ZNF510: variants seen among roughly 807,000 people sequenced by gnomAD.
The protein encoded by ZNF510 is zinc finger protein 510.
A neutral mutation model predicts 18.1 loss-of-function variants in ZNF510; 15 were observed. The ratio of observed to expected loss-of-function variants is 0.83; its 90% confidence interval spans 0.55 to 1.28. The LOEUF (loss-of-function observed/expected upper bound fraction) is 1.28. Ranked by LOEUF, ZNF510 falls within the 50% of genes most tolerant of loss-of-function variation. ZNF510 has a pLI of 0.00. For synonymous variants in ZNF510, 261 were observed against 266.4 expected (o/e 0.98, Z 0.20); for missense variants, 724 against 791.8 (o/e 0.91, Z 1.03).
At chr9:96,762,947 T>C in intron 5 of ZNF510, 171 bp downstream of exon 5, 1 of 553,510 alleles carries the variant, frequency 1.8e-6, no homozygotes, top group Non-Finnish European at 3.3e-6. Flanking sequence ...TATTAACAAA[T>C]TTCTTACTTT....
rs145693717 is a variant in ZNF510, at chr9:96,758,958, C to T, written c.1872G>A (p.Gly624=). 8.5e-5 allele frequency: 137 copies of T among 1,613,790 alleles called. No homozygotes were observed. Among genetic ancestry groups the T allele is most frequent in the Non-Finnish European group, 9.3e-6 (11 of 1,179,958 alleles). Reference sequence around the variant, plus strand: ...ATTTATTACACTGAAAGGGTTTCTCCCCTGTGTGAATTCTCTGATGATCAC... The same window carrying T: ...ATTTATTACACTGAAAGGGTTTCTCTCCTGTGTGAATTCTCTGATGATCAC... ...ILSDHQRIHT[G]EKPFQCNKCG... is the part of the protein sequence containing the mutation. The change falls in exon 6 of 6, where the codon GGG becomes GGA. Residue 624 remains glycine, a synonymous_variant. Coordinates refer to ENST00000223428, the MANE Select transcript of ZNF510 (RefSeq NM_014930.3).
intron 2 of ZNF510, 85 bp downstream of exon 2, chr9:96,775,915 T>C (rs569956822): frequency 6.6e-7 from 1 of 1,523,692 alleles, no homozygotes; most frequent in South Asian, 1.3e-5. Context: ...ATGCCTTCCT[T>C]GGAGACCATG....
intron 3 of ZNF510, among the ~76,000 whole-genome samples, chr9:96,767,756 C>T (rs1849506451): frequency 6.6e-6 from 1 of 152,016 alleles, no homozygotes; most frequent in African/African-American, 2.4e-5. Context: ...GGCTCAAGAC[C>T]AACTGTCAGT....
At chr9:96,776,886 G>A (rs1419360609) in intron 1 of ZNF510, among the ~76,000 whole-genome samples, 2 of 152,098 alleles carry the variant, frequency 1.3e-5, no homozygotes, top group African/African-American at 4.8e-5. Flanking sequence ...TGATTCTCTT[G>A]GCATTAATTA....
chr9:96,768,978 A>C (rs1185565120), intron 3 of ZNF510, among the ~76,000 whole-genome samples: 1 of 152,218 alleles, frequency 6.6e-6, no homozygotes, highest in Non-Finnish European at 1.5e-5. Flanking sequence ...TACTGGCATA[A>C]ATACAGACAT....
intron 3 of ZNF510, among the ~76,000 whole-genome samples, chr9:96,765,162 T>A (rs1401708860): frequency 1.3e-5 from 2 of 152,168 alleles, no homozygotes; most frequent in East Asian, 3.8e-4. Context: ...CGATTTGTAA[T>A]GACAAAACAG....
intron 5 of ZNF510, 37 bp from the exon 6 acceptor site, chr9:96,760,514 A>C (rs1849320580): frequency 1.3e-6 from 2 of 1,534,534 alleles, no homozygotes; most frequent in African/African-American, 2.8e-5. Flanking sequence ...TATGACTCTT[A>C]CATCTTCTGT....
At position 96,776,212 on chromosome 9, in the gene ZNF510, C is replaced by T. The variant is rs141826767; in HGVS notation, c.-143G>A. The T allele has an allele frequency of 7.3e-5, 99 of 1,365,188 alleles. No homozygotes were observed. The East Asian group carries it at 2.0e-3, about 28-fold the overall frequency. The allele number at this position is 1,365,188 out of a possible 1,614,324, so 84.6% of individuals were successfully genotyped here. ...TCTGTTCTGTCAGAGAGCAGTTCTTCGGTGGGACTCCTGTTCCTGGGGCTC... is the reference window on the plus strand; with the variant it reads ...TCTGTTCTGTCAGAGAGCAGTTCTTTGGTGGGACTCCTGTTCCTGGGGCTC... On this transcript the variant is annotated 5_prime_UTR_variant, in exon 2 of 6. Coordinates refer to ENST00000223428, the MANE Select transcript of ZNF510 (RefSeq NM_014930.3).
Position 96,776,027 on chromosome 9 carries a change from T to C in ZNF510, c.43A>G (p.Asn15Asp), listed in dbSNP as rs112099159. The C allele has an allele frequency of 6.2e-7, 1 of 1,609,524 alleles. No homozygotes were observed. Among genetic ancestry groups the C allele is most frequent in the Non-Finnish European group, 8.5e-7 (1 of 1,177,930 alleles). ...CCTTCTGCAAGTTGGCCCACAGTGTTCAGTGTCACACAATCTGTGATGGCT... is the reference window on the plus strand; with the variant it reads ...CCTTCTGCAAGTTGGCCCACAGTGTCCAGTGTCACACAATCTGTGATGGCT... The part of the protein sequence containing the change: ...PEAITDCVTL[N>D]TVGQLAEGGY... Residue 15 changes from asparagine (N) to aspartate (D), a missense_variant, in exon 2 of 6, where the codon AAC (asparagine) becomes GAC (aspartate). Physicochemically the swap from Asn to Asp is conservative, Grantham distance 23 (BLOSUM62 1). Coordinates refer to ENST00000223428, the MANE Select transcript of ZNF510 (RefSeq NM_014930.3).
chr9:96,774,090 T>C (rs917262613), intron 3 of ZNF510, among the ~76,000 whole-genome samples: 14 of 152,260 alleles, frequency 9.2e-5, no homozygotes, highest in Admixed American at 3.3e-4. Context: ...CAAACTGCAA[T>C]AGGCAAAGAT....
At chr9:96,762,508 C>CAAA (rs1235290923) in intron 5 of ZNF510, among the ~76,000 whole-genome samples, 4,075 of 78,938 alleles carry the variant, frequency 0.052, 207 homozygotes, top group African/African-American at 0.17. Flanking sequence ...GACTCCGTCT[C>CAAA]AAAAAAAAAA....
intron 3 of ZNF510, among the ~76,000 whole-genome samples, chr9:96,768,811 G>T (rs115689218): frequency 0.011 from 1,724 of 152,092 alleles, 30 homozygotes; most frequent in African/African-American, 0.038. Flanking sequence ...AAATCCTAAT[G>T]ACCTTTCTGC....
rs1433224257 is a variant in ZNF510, at chr9:96,756,778, C to CT, written c.*1999dup. 1.3e-5 allele frequency: 2 copies of CT among 152,268 alleles called. No individual in the cohort carries two copies. The highest frequency in any genetic ancestry group is 2.9e-5 in the Non-Finnish European group (2 of 68,078). The allele number at this position is 152,268 out of a possible 1,614,324, so 9.4% of individuals were successfully genotyped here. A position where few individuals can be genotyped will look rare whatever the true frequency, so the allele number is the denominator to read the frequency against. On this transcript the variant is annotated 3_prime_UTR_variant, in exon 6 of 6. Transcript: ENST00000223428. ...TCCCCTGGCCCCCAGCTCCCAAGGGCTGCCCCCTTTTGCCAGAAGTTTCAA... is the reference window on the plus strand; with the variant it reads ...TCCCCTGGCCCCCAGCTCCCAAGGGCTTGCCCCCTTTTGCCAGAAGTTTCAA...
intron 5 of ZNF510, 39 bp downstream of exon 5, chr9:96,763,079 C>T (rs1849390381): frequency 1.3e-6 from 2 of 1,571,636 alleles, no homozygotes; most frequent in Middle Eastern, 1.7e-4. Flanking sequence ...AGTCTAACCA[C>T]TCCTGCAGAA....
intron 3 of ZNF510, among the ~76,000 whole-genome samples, chr9:96,768,038 T>A (rs889058741): frequency 6.6e-6 from 1 of 152,162 alleles, no homozygotes; most frequent in Non-Finnish European, 1.5e-5. Flanking sequence ...ACAATTTATT[T>A]CCAGGAATGC....
At position 96,759,223 on chromosome 9, in the gene ZNF510, C is replaced by T; in HGVS notation, c.1607G>A (p.Arg536Lys). ...GQKSNLRIHQ[R>K]THTGEKTYQC... is the part of the protein sequence containing the mutation. ...GTAAGTTTTCTCCCCAGTGTGAGTT[C>T]TCTGATGTATTCTGAGGTTTGACTT... The change falls in exon 6 of 6, where the codon AGA becomes AAA. Residue 536 changes from arginine (R) to lysine (K), a missense_variant. Coordinates refer to ENST00000223428, the MANE Select transcript of ZNF510 (RefSeq NM_014930.3). The T allele has an allele frequency of 6.2e-7, 1 of 1,613,972 alleles. No homozygotes were observed. Among genetic ancestry groups the T allele is most frequent in the Non-Finnish European group, 8.5e-7 (1 of 1,179,988 alleles).
chr9:96,758,036 ATTGT>A lies in ZNF510; in HGVS notation c.*738_*741del, dbSNP rs1849237605. ...ATCGGGTGCAGTTTAAAATGTAGGA[ATTGT>A]TTATTTCTGGATCCATTTAATAACT... On this transcript the variant is annotated 3_prime_UTR_variant, in exon 6 of 6. Coordinates refer to ENST00000223428, the MANE Select transcript of ZNF510 (RefSeq NM_014930.3). 6.6e-6 allele frequency: 1 copy of A among 152,220 alleles called. No individual in the cohort carries two copies. Among genetic ancestry groups the A allele is most frequent in the Non-Finnish European group, 1.5e-5 (1 of 68,050 alleles). The allele number at this position is 152,220 out of a possible 1,614,324, so 9.4% of individuals were successfully genotyped here. A position where few individuals can be genotyped will look rare whatever the true frequency, so the allele number is the denominator to read the frequency against.
intron 3 of ZNF510, among the ~76,000 whole-genome samples, chr9:96,767,254 G>A (rs1331347779): frequency 2.6e-5 from 4 of 152,110 alleles, no homozygotes; most frequent in Non-Finnish European, 4.4e-5. Flanking sequence ...CTTGAACCCG[G>A]GAGGTGGAGG....
intron 3 of ZNF510, among the ~76,000 whole-genome samples, chr9:96,768,610 TAATAA>T (rs1380892260): frequency 6.6e-6 from 1 of 151,748 alleles, no homozygotes; most frequent in African/African-American, 2.4e-5. Flanking sequence ...GAACAAAAAA[TAATAA>T]AATAGGAATA....
Sources: allele counts gnomAD v4.1 joint callset (sites outside exome capture counted in the v4.1 genomes callset), GRCh38; gene constraint gnomAD v4.1.1; transcripts MANE v1.5; gene names NCBI Gene and HGNC (gene_info 2026-07-23, HGNC 2026-07-21).